DGKI: variants seen among roughly 807,000 people sequenced by gnomAD.
DGKI encodes the protein DAG kinase iota.
DGKI carries 55 observed loss-of-function variants against 147.5 expected under a neutral mutation model. That is an observed-to-expected ratio of 0.37 (90% CI 0.30 to 0.47). The LOEUF is 0.47. DGKI is among the 20% of genes least tolerant of loss of function. The probability of loss-of-function intolerance (pLI) is 1.00; values close to 1 mark genes in which losing one functional copy is unlikely to be tolerated. For missense variants in DGKI, 1,007 were observed against 1,323.8 expected (o/e 0.76, Z 3.71); for synonymous variants, 469 against 477.1 (o/e 0.98, Z 0.22).
At chr7:137,494,837 G>A (rs79979646) in intron 21 of DGKI, among the ~76,000 whole-genome samples, 2,450 of 152,222 alleles carry the variant, frequency 0.016, 139 homozygotes, top group East Asian at 0.12. Flanking sequence ...AACTTTGAAT[G>A]TAAATGTGTT....
chr7:137,639,166 CTTCA>C (rs1397494361), intron 6 of DGKI, among the ~76,000 whole-genome samples: 1 of 152,126 alleles, frequency 6.6e-6, no homozygotes, highest in Non-Finnish European at 1.5e-5. Context: ...CTAGTTTATA[CTTCA>C]ATCAAATTCA....
At chr7:137,780,507 G>C (rs984412565) in intron 1 of DGKI, among the ~76,000 whole-genome samples, 1 of 152,154 alleles carries the variant, frequency 6.6e-6, no homozygotes. Flanking sequence ...AAAAGGAAGG[G>C]TGTCTACAAG....
rs534580898 is a variant in DGKI, at chr7:137,623,727, G to T, written c.805-173C>A. On this transcript the variant is annotated intron_variant, in intron 6 of 32. Coordinates refer to ENST00000614521, the MANE Select transcript of DGKI (RefSeq NM_001321708.2). ...TTGAGCACCACACTCTCCACTTTCT[G>T]CCTGCAATGATTTTCTAATCCTGAA... 2.0e-4 allele frequency among the ~76,000 whole-genome samples: 30 copies of T among 152,268 alleles called. No homozygotes were observed. The South Asian group carries it at 6.0e-3, about 30-fold the overall frequency.
intron 21 of DGKI, among the ~76,000 whole-genome samples, chr7:137,489,066 A>C (rs879358236): frequency 6.6e-6 from 1 of 152,150 alleles, no homozygotes; most frequent in Non-Finnish European, 1.5e-5. Context: ...AGGGAGACCT[A>C]ATCAATCCCA....
intron 1 of DGKI, among the ~76,000 whole-genome samples, chr7:137,696,087 C>A (rs772929142): frequency 2.6e-5 from 4 of 152,182 alleles, no homozygotes; most frequent in Non-Finnish European, 5.9e-5. Context: ...CATGGTAAAT[C>A]TCTGAATAAA....
intron 1 of DGKI, among the ~76,000 whole-genome samples, chr7:137,734,645 T>C (rs1794972541): frequency 6.6e-6 from 1 of 151,972 alleles, no homozygotes; most frequent in Non-Finnish European, 1.5e-5. Context: ...AGCCAACAAA[T>C]TGACTGCTAC....
chr7:137,513,440 C>A (rs1816645104), intron 21 of DGKI, among the ~76,000 whole-genome samples: 1 of 152,196 alleles, frequency 6.6e-6, no homozygotes, highest in Admixed American at 6.5e-5. Context: ...AAAAAAGAAT[C>A]CTCCTTTGAT....
At chr7:137,782,977 C>G (rs1563195927) in intron 1 of DGKI, among the ~76,000 whole-genome samples, 1 of 152,230 alleles carries the variant, frequency 6.6e-6, no homozygotes, top group Non-Finnish European at 1.5e-5. Flanking sequence ...TGAATCTAAA[C>G]AGCAGCGCTT....
At chr7:137,765,110 C>T (rs1795974453) in intron 1 of DGKI, among the ~76,000 whole-genome samples, 1 of 152,204 alleles carries the variant, frequency 6.6e-6, no homozygotes, top group Non-Finnish European at 1.5e-5. Context: ...CAGGTGCAGT[C>T]CAACCATTGA....
intron 1 of DGKI, among the ~76,000 whole-genome samples, chr7:137,832,476 TA>T (rs1798246786): frequency 6.6e-6 from 1 of 152,228 alleles, no homozygotes; most frequent in Non-Finnish European, 1.5e-5. Context: ...TCTGAAGCAA[TA>T]GCTCAAGCTA....
chr7:137,557,070 GT>G (rs1818248688), intron 19 of DGKI, among the ~76,000 whole-genome samples: 3 of 152,108 alleles, frequency 2.0e-5, no homozygotes, highest in Admixed American at 6.6e-5. Flanking sequence ...TGCTCCCTGG[GT>G]CTCTAGCCTG....
chr7:137,808,650 C>T (rs1327394983), intron 1 of DGKI, among the ~76,000 whole-genome samples: 1 of 152,100 alleles, frequency 6.6e-6, no homozygotes, highest in East Asian at 1.9e-4. Context: ...ATGCAACATG[C>T]CATGAGAGGA....
intron 23 of DGKI, among the ~76,000 whole-genome samples, chr7:137,477,292 GA>G (rs1192061761): frequency 6.6e-6 from 1 of 152,168 alleles, no homozygotes; most frequent in African/African-American, 2.4e-5. Context: ...TCCAATTACA[GA>G]TTTTGGGTAA....
chr7:137,614,081 C>T (rs899142784), intron 8 of DGKI, among the ~76,000 whole-genome samples: 12 of 152,052 alleles, frequency 7.9e-5, no homozygotes, highest in Admixed American at 3.9e-4. Flanking sequence ...TTACTACAAA[C>T]GAAACAATAA....
At chr7:137,771,003 G>C (rs560338052) in intron 1 of DGKI, among the ~76,000 whole-genome samples, 4 of 152,110 alleles carry the variant, frequency 2.6e-5, no homozygotes, top group Admixed American at 2.0e-4. Context: ...CTGTGTAATC[G>C]TCAGCTTCCA....
chr7:137,797,501 G>A (rs1157939413), intron 1 of DGKI, among the ~76,000 whole-genome samples: 1 of 152,114 alleles, frequency 6.6e-6, no homozygotes, highest in East Asian at 1.9e-4. Flanking sequence ...GTTATAATGT[G>A]TAAAGAGGTC....
chr7:137,627,598 GTTCATTT>G (rs1820988711), intron 6 of DGKI, among the ~76,000 whole-genome samples: 2 of 152,182 alleles, frequency 1.3e-5, no homozygotes, highest in Non-Finnish European at 2.9e-5. Flanking sequence ...GGATTCCGAT[GTTCATTT>G]TTAAGTCCAC....
intron 1 of DGKI, among the ~76,000 whole-genome samples, chr7:137,693,045 T>C (rs1427020696): frequency 6.6e-6 from 1 of 152,234 alleles, no homozygotes; most frequent in Non-Finnish European, 1.5e-5. Context: ...CAATAATTCA[T>C]ACATGCATAC....
At position 137,623,808 on chromosome 7, in the gene DGKI, C is replaced by G. The variant is rs1342955992; in HGVS notation, c.805-254G>C. Among the ~76,000 whole-genome samples, 4 of 152,124 alleles carry G rather than the reference C, an allele frequency of 2.6e-5. No individual in the cohort carries two copies. In the East Asian group the frequency reaches 7.7e-4, roughly 29 times the overall value. On this transcript the variant is annotated intron_variant, in intron 6 of 32. Coordinates refer to ENST00000614521, the MANE Select transcript of DGKI (RefSeq NM_001321708.2). ...GGTATTTCCTAGACCACCTACTACTCAAAGTCAGCCACACAAAAAGAGCTT... is the reference window on the plus strand; with the variant it reads ...GGTATTTCCTAGACCACCTACTACTGAAAGTCAGCCACACAAAAAGAGCTT...
Sources: gnomAD v4.1 joint callset for allele counts (sites outside exome capture counted in the v4.1 genomes callset) on GRCh38, gnomAD v4.1.1 for gene constraint, MANE v1.5 for transcripts, NCBI Gene and HGNC (gene_info 2026-07-23, HGNC 2026-07-21) for gene names.